Variants in B4GALNT3 observed in about 807,000 individuals in gnomAD.
B4GALNT3 encodes beta-1,4-N-acetylgalactosaminyltransferase 3.
B4GALNT3 carries 86 observed loss-of-function variants against 120.2 expected under a neutral mutation model. The observed-to-expected ratio is 0.72, with a 90% confidence interval of 0.60 to 0.86. B4GALNT3 has a LOEUF of 0.86. Ranked by LOEUF, B4GALNT3 falls within the 40% of genes least tolerant of loss-of-function variation. B4GALNT3 has a pLI of 0.00. For missense variants in B4GALNT3, 1,167 were observed against 1,298.9 expected, an observed-to-expected ratio of 0.90 and a Z score of 1.56; for synonymous variants, 518 against 510.4, an observed-to-expected ratio of 1.01 and a Z score of -0.20.
In B4GALNT3 at chr12:551,041, G is replaced by A; in HGVS notation, c.1107+10G>A. 6.3e-7 allele frequency: 1 copy of A among 1,592,186 alleles called. No homozygotes were observed. Among genetic ancestry groups the A allele is most frequent in the Non-Finnish European group, 8.6e-7 (1 of 1,160,344 alleles). On this transcript the variant is annotated intron_variant, in intron 11 of 19. Transcript: ENST00000266383. ...CCAGGGACTCCGGTTTGTAAGTCTT[G>A]GGCCTGGGTCATGGAGAGCAGGGCT...
intron 1 of B4GALNT3, among the ~76,000 whole-genome samples, chr12:513,918 G>T (rs1295718670): frequency 1.3e-5 from 2 of 152,174 alleles, no homozygotes; most frequent in Non-Finnish European, 2.9e-5. Flanking sequence ...GTTATATTCT[G>T]TTGTGTGGAT....
At chr12:492,869 A>G (rs1438259699) in intron 1 of B4GALNT3, among the ~76,000 whole-genome samples, 1 of 151,758 alleles carries the variant, frequency 6.6e-6, no homozygotes, top group Non-Finnish European at 1.5e-5. Context: ...TGGTAAAGAT[A>G]GTCTTGTCAA....
At chr12:557,555 G>A (rs34740806) in intron 15 of B4GALNT3, 53 bp from the exon 16 acceptor site, 112,844 of 1,563,482 alleles carry the variant, frequency 0.072, 4,570 homozygotes, top group Non-Finnish European at 0.079. Context: ...GCGCTCATCC[G>A]CTCATCTTTG....
At chr12:509,329 C>T (rs1179614925) in intron 1 of B4GALNT3, among the ~76,000 whole-genome samples, 1 of 152,298 alleles carries the variant, frequency 6.6e-6, no homozygotes, top group East Asian at 1.9e-4. Flanking sequence ...GGCCTGGAGC[C>T]ACTGTGCTTT....
chr12:472,096 G>A lies in B4GALNT3; in HGVS notation c.169+11551G>A, dbSNP rs568229143. On this transcript the variant is annotated intron_variant, in intron 1 of 19. Coordinates refer to ENST00000266383, the MANE Select transcript of B4GALNT3 (RefSeq NM_173593.4). ...TGAATATTTCCATTTGAGGAATATA[G>A]CATAAGCTAAGTGGAAAGTCTGGGG... Among the ~76,000 whole-genome samples the A allele has an allele frequency of 1.4e-4, 21 of 152,328 alleles. No individual in the cohort carries two copies. In the East Asian group the frequency reaches 3.8e-3, roughly 28 times the overall value.
At chr12:533,538 A>T (rs949086034) in intron 1 of B4GALNT3, among the ~76,000 whole-genome samples, 2 of 152,226 alleles carry the variant, frequency 1.3e-5, no homozygotes, top group Non-Finnish European at 2.9e-5. Context: ...CACTCCTCAA[A>T]GTCTATGCCA....
chr12:492,569 C>T lies in B4GALNT3; in HGVS notation c.169+32024C>T, dbSNP rs150791363. 1.5e-4 allele frequency among the ~76,000 whole-genome samples: 23 copies of T among 152,226 alleles called. No homozygotes were observed. The East Asian group carries it at 3.5e-3, about 23-fold the overall frequency. On this transcript the variant is annotated intron_variant, in intron 1 of 19. Transcript: ENST00000266383. Reference sequence around the variant, plus strand: ...CTTGATCTACAGACTCAATGCAATCCCAATCAAAACCCCAGCAAGTTATTT... The same window carrying T: ...CTTGATCTACAGACTCAATGCAATCTCAATCAAAACCCCAGCAAGTTATTT...
At chr12:493,368 A>G (rs1342551944) in intron 1 of B4GALNT3, among the ~76,000 whole-genome samples, 1 of 152,196 alleles carries the variant, frequency 6.6e-6, no homozygotes, top group Non-Finnish European at 1.5e-5. Flanking sequence ...ACAATAAGAT[A>G]TCACTACACA....
intron 1 of B4GALNT3, among the ~76,000 whole-genome samples, chr12:523,745 A>C (rs1263022945): frequency 6.6e-6 from 1 of 152,198 alleles, no homozygotes; most frequent in Non-Finnish European, 1.5e-5. Flanking sequence ...ATAAACTAAG[A>C]ATGTGAATCA....
intron 1 of B4GALNT3, among the ~76,000 whole-genome samples, chr12:526,806 G>A (rs1019809891): frequency 6.6e-6 from 1 of 152,182 alleles, no homozygotes; most frequent in African/African-American, 2.4e-5. Context: ...TACTGAGCTG[G>A]GCTGGGTCCA....
At position 477,739 on chromosome 12, in the gene B4GALNT3, A is replaced by G. The variant is rs114276088; in HGVS notation, c.169+17194A>G. Among the ~76,000 whole-genome samples, 1,456 of 152,348 alleles carry G rather than the reference A, an allele frequency of 9.6e-3. 26 individuals carry two copies. Among genetic ancestry groups the G allele is most frequent in the East Asian group, 0.034 (176 of 5,186 alleles). ...TGAATGATGAAGCCCTTTGGTAGAC[A>G]GATTCATGATGTATTTAAAACATTG... On this transcript the variant is annotated intron_variant, in intron 1 of 19. Coordinates refer to ENST00000266383, the MANE Select transcript of B4GALNT3 (RefSeq NM_173593.4).
chr12:532,381 G>A (rs1946817172), intron 1 of B4GALNT3, among the ~76,000 whole-genome samples: 1 of 152,198 alleles, frequency 6.6e-6, no homozygotes, highest in African/African-American at 2.4e-5. Flanking sequence ...CTGTTAAAGA[G>A]AAATAGAACT....
intron 1 of B4GALNT3, among the ~76,000 whole-genome samples, chr12:488,179 A>T (rs1202235702): frequency 6.6e-6 from 1 of 152,084 alleles, no homozygotes; most frequent in Non-Finnish European, 1.5e-5. Flanking sequence ...TCAACCTAGA[A>T]TTCTGAACCC....
At chr12:525,086 T>TTTTA (rs575604135) in intron 1 of B4GALNT3, among the ~76,000 whole-genome samples, 5,136 of 130,582 alleles carry the variant, frequency 0.039, 190 homozygotes, top group East Asian at 0.24. Flanking sequence ...AATAACACAA[T>TTTTA]TTTATTTATT....
intron 1 of B4GALNT3, among the ~76,000 whole-genome samples, chr12:489,735 G>A (rs1371956077): frequency 6.6e-6 from 1 of 152,146 alleles, no homozygotes; most frequent in East Asian, 1.9e-4. Context: ...AGACATAATT[G>A]AACTTAACAG....
intron 18 of B4GALNT3, 104 bp from the exon 19 acceptor site, chr12:559,191 C>T: frequency 6.7e-7 from 1 of 1,488,344 alleles, no homozygotes; most frequent in Non-Finnish European, 9.3e-7. Flanking sequence ...TCAACCCCAG[C>T]CTCTGACTTT....
chr12:504,993 C>T (rs1280279914), intron 1 of B4GALNT3, among the ~76,000 whole-genome samples: 2 of 151,786 alleles, frequency 1.3e-5, no homozygotes, highest in East Asian at 1.9e-4. Context: ...TGGGTTCAAG[C>T]GATCCTCCTG....
chr12:561,821 C>T lies in B4GALNT3; in HGVS notation c.*370C>T. ...AAGCGCTCCTCACGCCAAGCGCTGA[C>T]CACCAGACCCTCTTCTAGTGGACAT... is the stretch of plus-strand genomic sequence containing the variant. On this transcript the variant is annotated 3_prime_UTR_variant, in exon 20 of 20. Coordinates refer to ENST00000266383, the MANE Select transcript of B4GALNT3 (RefSeq NM_173593.4). The T allele has an allele frequency of 5.3e-6, 1 of 187,812 alleles. No individual in the cohort carries two copies. The highest frequency in any genetic ancestry group is 1.1e-5 in the Non-Finnish European group (1 of 90,106). 11.6% of individuals were successfully genotyped at this position (187,812 alleles called of 1,614,324 possible).
intron 1 of B4GALNT3, among the ~76,000 whole-genome samples, chr12:476,018 T>C (rs1206834525): frequency 1.3e-5 from 2 of 152,248 alleles, no homozygotes; most frequent in Non-Finnish European, 2.9e-5. Flanking sequence ...GGCCATCTGC[T>C]GCTGTCTTTG....
Sources: gnomAD v4.1 joint callset for allele counts (sites outside exome capture counted in the v4.1 genomes callset) on GRCh38, gnomAD v4.1.1 for gene constraint, MANE v1.5 for transcripts, NCBI Gene and HGNC (gene_info 2026-07-23, HGNC 2026-07-21) for gene names.